GLDC: variants seen among roughly 807,000 people sequenced by gnomAD.
GLDC encodes the protein glycine dehydrogenase (decarboxylating), mitochondrial.
GLDC carries 104 observed loss-of-function variants against 121.3 expected under a neutral mutation model. That is an observed-to-expected ratio of 0.86 (90% CI 0.73 to 1.01). The LOEUF is 1.01. Ranked by LOEUF, GLDC falls within the 50% of genes least tolerant of loss-of-function variation. GLDC has a pLI of 0.00. For missense variants in GLDC, 1,429 were observed against 1,306.6 expected, an observed-to-expected ratio of 1.09 and a Z score of -1.44; for synonymous variants, 546 against 480.6, an observed-to-expected ratio of 1.14 and a Z score of -1.78.
chr9:6,636,273 C>G (rs1292609222), intron 2 of GLDC, among the ~76,000 whole-genome samples: 1 of 150,210 alleles, frequency 6.7e-6, no homozygotes, highest in Non-Finnish European at 1.5e-5. Flanking sequence ...CACTGTACTC[C>G]AGCCTGGGTG....
intron 14 of GLDC, 147 bp from the exon 15 acceptor site, chr9:6,587,430 C>A: frequency 1.5e-6 from 1 of 677,514 alleles, no homozygotes; most frequent in South Asian, 1.8e-5. Flanking sequence ...TTAAGTTCCA[C>A]CACAACCTTA....
chr9:6,570,896 A>G (rs1158330569), intron 15 of GLDC, among the ~76,000 whole-genome samples: 1 of 152,042 alleles, frequency 6.6e-6, no homozygotes, highest in Non-Finnish European at 1.5e-5. Flanking sequence ...ATGTTTTTAA[A>G]AAAAATATTT....
intron 7 of GLDC, among the ~76,000 whole-genome samples, chr9:6,602,704 G>A (rs1030839285): frequency 6.6e-6 from 1 of 152,110 alleles, no homozygotes; most frequent in African/African-American, 2.4e-5. Context: ...TATACAATAA[G>A]TCTAGGAATT....
chr9:6,600,392 A>T (rs1450077590), intron 8 of GLDC, among the ~76,000 whole-genome samples: 1 of 151,436 alleles, frequency 6.6e-6, no homozygotes, highest in African/African-American at 2.4e-5. Context: ...AAAAAAAAAA[A>T]GAAGCCAGGT....
intron 15 of GLDC, among the ~76,000 whole-genome samples, chr9:6,582,777 C>A (rs1261470429): frequency 6.6e-6 from 1 of 150,888 alleles, no homozygotes; most frequent in South Asian, 2.1e-4. Flanking sequence ...TGCAGTGAGC[C>A]GATATCGCGC....
chr9:6,553,480 T>C lies in GLDC; in HGVS notation c.2345A>G (p.Asn782Ser), dbSNP rs1264775700. The C allele has an allele frequency of 3.7e-6, 6 of 1,613,774 alleles. No homozygotes were observed. The highest frequency in any genetic ancestry group is 3.3e-5 in the Admixed American group (2 of 59,958). ...VKKHLAPFLP[N>S]HPVISLKRNE... is the part of the protein sequence containing the mutation. ...CCGCTTTAGTGAAATGACGGGATGA[T>C]TGGGCAAAAACGGGGCGAGATGTTT... is the stretch of plus-strand genomic sequence containing the variant. Residue 782 changes from asparagine to serine, a missense_variant, in exon 20 of 25, where the codon AAT becomes AGT. Asn to Ser is a conservative substitution (Grantham distance 46). Coordinates refer to ENST00000321612, the MANE Select transcript of GLDC (RefSeq NM_000170.3).
intron 8 of GLDC, among the ~76,000 whole-genome samples, chr9:6,599,879 A>T (rs1412243588): frequency 2.6e-5 from 4 of 152,188 alleles, no homozygotes; most frequent in African/African-American, 9.7e-5. Flanking sequence ...AACATAATAC[A>T]AAAGGACCAA....
chr9:6,558,242 C>G (rs1817677137), intron 17 of GLDC: 1 of 581,976 alleles, frequency 1.7e-6, no homozygotes, highest in Non-Finnish European at 3.1e-6. Flanking sequence ...GTAAGTGTGA[C>G]TGCCATTTTG....
At chr9:6,540,277 G>C in intron 21 of GLDC, 131 bp from the exon 22 acceptor site, 1 of 711,556 alleles carries the variant, frequency 1.4e-6, no homozygotes, top group East Asian at 2.7e-5. Context: ...GAAGCCATGG[G>C]CACCGGGTAA....
chr9:6,534,769 G>C lies in GLDC; in HGVS notation c.2858C>G (p.Thr953Ser), dbSNP rs749015687. 5 of 1,601,948 alleles carry C rather than the reference G, an allele frequency of 3.1e-6. No individual in the cohort carries two copies. The highest frequency in any genetic ancestry group is 4.3e-6 in the Non-Finnish European group (5 of 1,168,956). ...NPLKMSPHSL[T>S]CVTSSHWDRP... ...GTCCCAGTGGGAAGATGTAACGCAG[G>C]TCAGGGAGTGTGGAGACATCTGAGA... is the stretch of plus-strand genomic sequence containing the variant. Residue 953 changes from threonine to serine, a missense_variant, in exon 24 of 25, where the codon ACC (threonine) becomes AGC (serine). By Grantham distance (58) the Thr-to-Ser change is moderately conservative (BLOSUM62 1). Coordinates refer to ENST00000321612, the MANE Select transcript of GLDC (RefSeq NM_000170.3).
chr9:6,580,607 T>C (rs1818154670), intron 15 of GLDC, among the ~76,000 whole-genome samples: 1 of 152,114 alleles, frequency 6.6e-6, no homozygotes, highest in African/African-American at 2.4e-5. Context: ...TTGCCCCAGA[T>C]CCCAAATAGA....
intron 15 of GLDC, 100 bp from the exon 16 acceptor site, chr9:6,565,529 G>A (rs769037221): frequency 8.0e-6 from 7 of 872,788 alleles, no homozygotes; most frequent in Non-Finnish European, 1.4e-5. Context: ...ACCAGCACGT[G>A]ACACATGGTC....
At chr9:6,634,087 C>G (rs1440268338) in intron 2 of GLDC, among the ~76,000 whole-genome samples, 1 of 151,932 alleles carries the variant, frequency 6.6e-6, no homozygotes, top group Non-Finnish European at 1.5e-5. Context: ...GCCTCAGCCT[C>G]CCAAAGTGCT....
intron 8 of GLDC, among the ~76,000 whole-genome samples, chr9:6,599,614 A>G (rs1215025444): frequency 1.3e-5 from 2 of 151,472 alleles, no homozygotes; most frequent in Non-Finnish European, 2.9e-5. Flanking sequence ...CCAGCTACTC[A>G]GGAGGCTGAG....
chr9:6,597,613 A>C (rs1164219367), intron 8 of GLDC, among the ~76,000 whole-genome samples: 1 of 152,124 alleles, frequency 6.6e-6, no homozygotes, highest in Non-Finnish European at 1.5e-5. Context: ...CCAATGAAAG[A>C]GCTGCTCATT....
At chr9:6,603,266 A>G (rs1386176853) in intron 7 of GLDC, among the ~76,000 whole-genome samples, 1 of 151,656 alleles carries the variant, frequency 6.6e-6, no homozygotes, top group African/African-American at 2.4e-5. Context: ...ACAAATTTTT[A>G]AAAACAATAC....
chr9:6,558,358 T>G, intron 17 of GLDC: 1 of 706,482 alleles, frequency 1.4e-6, no homozygotes, highest in Non-Finnish European at 2.5e-6. Flanking sequence ...TTCATTCAGT[T>G]TTTTACACAA....
rs905143213 is a variant in GLDC, at chr9:6,533,285, T to G, written c.2920-125A>C. 3 of 858,792 alleles carry G rather than the reference T, an allele frequency of 3.5e-6. No homozygotes were observed. The African/African-American group carries it at 5.0e-5, about 14-fold the overall frequency. The allele number at this position is 858,792 out of a possible 1,614,324, so 53.2% of individuals were successfully genotyped here. On this transcript the variant is annotated intron_variant, in intron 24 of 24. Coordinates refer to ENST00000321612, the MANE Select transcript of GLDC (RefSeq NM_000170.3). ...CAGCCCAGCAAATATTCTGAGAACC[T>G]AAAATCCAACCCTACATTACCATTT... is the stretch of plus-strand genomic sequence containing the variant.
At chr9:6,608,801 C>G (rs1563859023) in intron 4 of GLDC, among the ~76,000 whole-genome samples, 1 of 151,626 alleles carries the variant, frequency 6.6e-6, no homozygotes, top group South Asian at 2.1e-4. Context: ...AGATAAAAAG[C>G]AATTTTTTAA....
Sources: allele counts gnomAD v4.1 joint callset (sites outside exome capture counted in the v4.1 genomes callset), GRCh38; gene constraint gnomAD v4.1.1; transcripts MANE v1.5; gene names NCBI Gene and HGNC (gene_info 2026-07-23, HGNC 2026-07-21).